The following H2BC1 variants were observed in gnomAD, a reference collection of about 807,000 sequenced individuals.
H2BC1 encodes H2B clustered histone 1, also known as histone H2B type 1-A.
A neutral mutation model predicts 5.4 loss-of-function variants in H2BC1; 5 were observed. That is an observed-to-expected ratio of 0.92 (90% CI 0.48 to 1.94). The LOEUF (loss-of-function observed/expected upper bound fraction) is 1.94, where lower values mean the gene tolerates loss of function less well. H2BC1 is among the 30% of genes most tolerant of loss of function. The pLI, the probability that H2BC1 is intolerant of heterozygous loss-of-function variation, is 0.01. For missense variants in H2BC1, 210 were observed against 159.1 expected, an observed-to-expected ratio of 1.32 and a Z score of -1.72; for synonymous variants, 131 against 58.2, an observed-to-expected ratio of 2.25 and a Z score of -5.69.
In H2BC1 at chr6:25,727,119, A is replaced by G. The variant is rs774096146; in HGVS notation, c.211A>G (p.Ile71Val). The G allele has an allele frequency of 6.2e-6, 10 of 1,614,216 alleles. No individual in the cohort carries two copies. Among genetic ancestry groups the G allele is most frequent in the East Asian group, 2.2e-5 (1 of 44,868 alleles). The change falls in exon 1 of 1, where the codon ATC (isoleucine) becomes GTC (valine). Residue 71 changes from isoleucine (I) to valine (V), a missense_variant. Physicochemically the swap from Ile to Val is conservative, Grantham distance 29. Coordinates refer to ENST00000274764, the MANE Select transcript of H2BC1 (RefSeq NM_170610.3). Reference sequence around the variant, plus strand: ...CATTATGAATTCCTTCGTCACTGATATCTTTGAGCGTATAGCGAGCGAGGC... The same window carrying G: ...CATTATGAATTCCTTCGTCACTGATGTCTTTGAGCGTATAGCGAGCGAGGC... ...MSIMNSFVTD[I>V]FERIASEASR...
At position 25,727,181 on chromosome 6, in the gene H2BC1, T is replaced by C. The variant is rs918860569; in HGVS notation, c.273T>C (p.Ile91=). ...CTCACTACAGCAAGCGCTCCACCAT[T>C]TCTTCCAGAGAGATTCAGACAGCAG... ...RLAHYSKRST[I]SSREIQTAVR... The change falls in exon 1 of 1, where the codon ATT becomes ATC. Residue 91 remains isoleucine, a synonymous_variant. Coordinates refer to ENST00000274764, the MANE Select transcript of H2BC1 (RefSeq NM_170610.3). The C allele has an allele frequency of 1.1e-5, 18 of 1,614,008 alleles. No homozygotes were observed. The highest frequency in any genetic ancestry group is 1.5e-5 in the Non-Finnish European group (18 of 1,180,022).
At position 25,727,314 on chromosome 6, in the gene H2BC1, T is replaced by A. The variant is rs1422626864; in HGVS notation, c.*22T>A. The A allele has an allele frequency of 6.4e-7, 1 of 1,558,512 alleles. No homozygotes were observed. The highest frequency in any genetic ancestry group is 8.7e-7 in the Non-Finnish European group (1 of 1,152,592). ...GTAAGCCTGCTAAGTAAACGTCATT[T>A]CTAACCCAAAGGCTCTTTTCAGAGC... is the stretch of plus-strand genomic sequence containing the variant. On this transcript the variant is annotated 3_prime_UTR_variant, in exon 1 of 1. Coordinates refer to ENST00000274764, the MANE Select transcript of H2BC1 (RefSeq NM_170610.3).
At position 25,727,298 on chromosome 6, in the gene H2BC1, C is replaced by A; in HGVS notation, c.*6C>A. 1 of 1,581,042 alleles carries A rather than the reference C, an allele frequency of 6.3e-7. No homozygotes were observed. The highest frequency in any genetic ancestry group is 8.6e-7 in the Non-Finnish European group (1 of 1,162,576). The stretch of plus-strand genomic sequence containing the variant: ...AGTACACCAGCTCCAAGTAAGCCTG[C>A]TAAGTAAACGTCATTTCTAACCCAA... On this transcript the variant is annotated 3_prime_UTR_variant, in exon 1 of 1. Transcript: ENST00000274764.
Position 25,726,783 on chromosome 6 carries a change from TTACTTGGCGA to T in H2BC1, c.-125_-116del. On this transcript the variant is annotated 5_prime_UTR_variant, in exon 1 of 1. Coordinates refer to ENST00000274764, the MANE Select transcript of H2BC1 (RefSeq NM_170610.3). Reference sequence around the variant, plus strand: ...TCTTTCATCCTCCAGTTCTGTTTGTTTACTTGGCGAGACTTGGAGCTGAGGTCATTTGGAG... The same window carrying T: ...TCTTTCATCCTCCAGTTCTGTTTGTTGACTTGGAGCTGAGGTCATTTGGAG... The T allele has an allele frequency of 1.6e-6, 2 of 1,269,902 alleles. No homozygotes were observed. The highest frequency in any genetic ancestry group is 3.0e-5 in the South Asian group (2 of 67,740). The allele number at this position is 1,269,902 out of a possible 1,614,324, so 78.7% of individuals were successfully genotyped here. A position where few individuals can be genotyped will look rare whatever the true frequency, so the allele number is the denominator to read the frequency against.
Position 25,726,943 on chromosome 6 carries a change from C to G in H2BC1, c.35C>G (p.Ser12Cys), listed in dbSNP as rs199628728. The change falls in exon 1 of 1, where the codon TCC becomes TGC. Residue 12 changes from serine (S) to cysteine (C), a missense_variant. Physicochemically the swap from Ser to Cys is moderately radical, Grantham distance 112. Coordinates refer to ENST00000274764, the MANE Select transcript of H2BC1 (RefSeq NM_170610.3). Reference protein sequence around the residue: ...PEVSSKGATISKKGFKKAVVK... With the variant: ...PEVSSKGATICKKGFKKAVVK... Reference sequence around the variant, plus strand: ...GTGTCATCTAAAGGTGCTACCATTTCCAAGAAGGGCTTTAAGAAAGCTGTC... The same window carrying G: ...GTGTCATCTAAAGGTGCTACCATTTGCAAGAAGGGCTTTAAGAAAGCTGTC... 6.2e-7 allele frequency: 1 copy of G among 1,613,806 alleles called. No homozygotes were observed. Among genetic ancestry groups the G allele is most frequent in the African/African-American group, 1.3e-5 (1 of 74,966 alleles).
Position 25,726,837 on chromosome 6 carries a change from C to T in H2BC1, c.-72C>T. 12 of 1,505,452 alleles carry T rather than the reference C, an allele frequency of 8.0e-6. No homozygotes were observed. Among genetic ancestry groups the T allele is most frequent in the South Asian group, 6.7e-5 (5 of 74,622 alleles). The allele number at this position is 1,505,452 out of a possible 1,614,324, so 93.3% of individuals were successfully genotyped here. A position where few individuals can be genotyped will look rare whatever the true frequency, so the allele number is the denominator to read the frequency against. On this transcript the variant is annotated 5_prime_UTR_variant, in exon 1 of 1. Coordinates refer to ENST00000274764, the MANE Select transcript of H2BC1 (RefSeq NM_170610.3). ...TTTGGAGCTGTTTAATACTGAAGAG[C>T]TGTTGAGCACTGGAAAGTGCTGTGT...
rs932843627 is a variant in H2BC1 at position 25,726,936 on chromosome 6, A to T, written c.28A>T (p.Thr10Ser). 1 of 1,613,814 alleles carries T rather than the reference A, an allele frequency of 6.2e-7. No homozygotes were observed. The highest frequency in any genetic ancestry group is 1.1e-5 in the South Asian group (1 of 90,984). MPEVSSKGATISKKGFKKAV... is the reference protein window; with the variant it reads MPEVSSKGASISKKGFKKAV... ...GCCGGAGGTGTCATCTAAAGGTGCTACCATTTCCAAGAAGGGCTTTAAGAA... is the reference window on the plus strand; with the variant it reads ...GCCGGAGGTGTCATCTAAAGGTGCTTCCATTTCCAAGAAGGGCTTTAAGAA... Residue 10 changes from threonine to serine, a missense_variant, in exon 1 of 1, where the codon ACC becomes TCC. Physicochemically the swap from Thr to Ser is moderately conservative, Grantham distance 58. Coordinates refer to ENST00000274764, the MANE Select transcript of H2BC1 (RefSeq NM_170610.3).
In H2BC1 at chr6:25,727,136, G is replaced by A. The variant is rs1330659433; in HGVS notation, c.228G>A (p.Ala76=). Residue 76 remains alanine, a synonymous_variant, in exon 1 of 1, where the codon GCG becomes GCA. Transcript: ENST00000274764. ...SFVTDIFERI[A]SEASRLAHYS... is the part of the protein sequence containing the mutation. ...TCACTGATATCTTTGAGCGTATAGC[G>A]AGCGAGGCATCACGTTTGGCTCACT... 2 of 1,614,142 alleles carry A rather than the reference G, an allele frequency of 1.2e-6. No individual in the cohort carries two copies. Among genetic ancestry groups the A allele is most frequent in the Non-Finnish European group, 1.7e-6 (2 of 1,180,018 alleles).
rs920572488 is a variant in H2BC1 at position 25,726,870 on chromosome 6, G to C, written c.-39G>C. The C allele has an allele frequency of 2.5e-6, 4 of 1,575,642 alleles. No homozygotes were observed. Among genetic ancestry groups the C allele is most frequent in the Non-Finnish European group, 2.6e-6 (3 of 1,163,440 alleles). ...CACTGGAAAGTGCTGTGTAACCCTG[G>C]AAAAGAACCGTGTAACGCTGCAGAA... On this transcript the variant is annotated 5_prime_UTR_variant, in exon 1 of 1. Transcript: ENST00000274764.
chr6:25,727,250 T>A lies in H2BC1; in HGVS notation c.342T>A (p.Ser114=). The stretch of plus-strand genomic sequence containing the variant: ...GAGAGCTGGCTAAACATGCTGTGTC[T>A]GAGGGCACCAAGGCTGTCACTAAGT... The part of the protein sequence containing the change: ...LPGELAKHAV[S]EGTKAVTKYT... The change falls in exon 1 of 1, where the codon TCT becomes TCA. Residue 114 remains serine (S), a synonymous_variant. Transcript: ENST00000274764. 3 of 1,612,410 alleles carry A rather than the reference T, an allele frequency of 1.9e-6. No homozygotes were observed. The highest frequency in any genetic ancestry group is 2.5e-6 in the Non-Finnish European group (3 of 1,178,782).
chr6:25,727,183 C>T lies in H2BC1; in HGVS notation c.275C>T (p.Ser92Phe), dbSNP rs763574279. ...CACTACAGCAAGCGCTCCACCATTT[C>T]TTCCAGAGAGATTCAGACAGCAGTG... is the stretch of plus-strand genomic sequence containing the variant. ...LAHYSKRSTI[S>F]SREIQTAVRL... is the part of the protein sequence containing the mutation. Residue 92 changes from serine to phenylalanine, a missense_variant, in exon 1 of 1, where the codon TCT (serine) becomes TTT (phenylalanine). Coordinates refer to ENST00000274764, the MANE Select transcript of H2BC1 (RefSeq NM_170610.3). 9 of 1,614,198 alleles carry T rather than the reference C, an allele frequency of 5.6e-6. No individual in the cohort carries two copies. Among genetic ancestry groups the T allele is most frequent in the Non-Finnish European group, 7.6e-6 (9 of 1,180,042 alleles).
chr6:25,726,962 A>G lies in H2BC1; in HGVS notation c.54A>G (p.Lys18=). The G allele has an allele frequency of 6.2e-7, 1 of 1,614,170 alleles. No individual in the cohort carries two copies. Among genetic ancestry groups the G allele is most frequent in the East Asian group, 2.2e-5 (1 of 44,882 alleles). ...GATISKKGFK[K]AVVKTQKKEG... ...CCATTTCCAAGAAGGGCTTTAAGAA[A>G]GCTGTCGTTAAGACCCAGAAAAAGG... Residue 18 remains lysine, a synonymous_variant, in exon 1 of 1, where the codon AAA becomes AAG. Transcript: ENST00000274764.
chr6:25,727,201 C>T lies in H2BC1; in HGVS notation c.293C>T (p.Thr98Ile). 3.1e-6 allele frequency: 5 copies of T among 1,614,178 alleles called. No homozygotes were observed. Among genetic ancestry groups the T allele is most frequent in the Non-Finnish European group, 4.2e-6 (5 of 1,180,028 alleles). The part of the protein sequence containing the change: ...RSTISSREIQ[T>I]AVRLLLPGEL... ...ACCATTTCTTCCAGAGAGATTCAGA[C>T]AGCAGTGCGCTTGCTACTGCCGGGA... is the stretch of plus-strand genomic sequence containing the variant. The change falls in exon 1 of 1, where the codon ACA (threonine) becomes ATA (isoleucine). Residue 98 changes from threonine to isoleucine, a missense_variant. Physicochemically the swap from Thr to Ile is moderately conservative, Grantham distance 89 (BLOSUM62 -1). Transcript: ENST00000274764.
rs781301296 is a variant in H2BC1, at chr6:25,726,859, G to C, written c.-50G>C. On this transcript the variant is annotated 5_prime_UTR_variant, in exon 1 of 1. Transcript: ENST00000274764. ...GAGCTGTTGAGCACTGGAAAGTGCTGTGTAACCCTGGAAAAGAACCGTGTA... is the reference window on the plus strand; with the variant it reads ...GAGCTGTTGAGCACTGGAAAGTGCTCTGTAACCCTGGAAAAGAACCGTGTA... 2 of 1,566,484 alleles carry C rather than the reference G, an allele frequency of 1.3e-6. No individual in the cohort carries two copies. The highest frequency in any genetic ancestry group is 1.4e-5 in the African/African-American group (1 of 73,710).
At position 25,726,871 on chromosome 6, in the gene H2BC1, A is replaced by G. The variant is rs564992826; in HGVS notation, c.-38A>G. 1.4e-5 allele frequency: 22 copies of G among 1,576,118 alleles called. 1 individual carries two copies. The highest frequency in any genetic ancestry group is 5.4e-5 in the African/African-American group (4 of 73,876). ...ACTGGAAAGTGCTGTGTAACCCTGG[A>G]AAAGAACCGTGTAACGCTGCAGAAG... is the stretch of plus-strand genomic sequence containing the variant. On this transcript the variant is annotated 5_prime_UTR_variant, in exon 1 of 1. Coordinates refer to ENST00000274764, the MANE Select transcript of H2BC1 (RefSeq NM_170610.3).
At position 25,727,314 on chromosome 6, in the gene H2BC1, TC is replaced by T; in HGVS notation, c.*23del. 6.4e-7 allele frequency: 1 copy of T among 1,558,610 alleles called. No homozygotes were observed. The highest frequency in any genetic ancestry group is 8.7e-7 in the Non-Finnish European group (1 of 1,152,584). ...GTAAGCCTGCTAAGTAAACGTCATTTCTAACCCAAAGGCTCTTTTCAGAGCC... is the reference window on the plus strand; with the variant it reads ...GTAAGCCTGCTAAGTAAACGTCATTTTAACCCAAAGGCTCTTTTCAGAGCC... On this transcript the variant is annotated 3_prime_UTR_variant, in exon 1 of 1. Coordinates refer to ENST00000274764, the MANE Select transcript of H2BC1 (RefSeq NM_170610.3).
Position 25,727,113 on chromosome 6 carries a change from A to T in H2BC1, c.205A>T (p.Thr69Ser). The T allele has an allele frequency of 6.2e-7, 1 of 1,614,224 alleles. No homozygotes were observed. Among genetic ancestry groups the T allele is most frequent in the South Asian group, 1.1e-5 (1 of 91,090 alleles). Residue 69 changes from threonine to serine, a missense_variant, in exon 1 of 1, where the codon ACT (threonine) becomes TCT (serine). Thr to Ser is a moderately conservative substitution (Grantham distance 58). Transcript: ENST00000274764. ...TATGAGCATTATGAATTCCTTCGTCACTGATATCTTTGAGCGTATAGCGAG... is the reference window on the plus strand; with the variant it reads ...TATGAGCATTATGAATTCCTTCGTCTCTGATATCTTTGAGCGTATAGCGAG... Reference protein sequence around the residue: ...KAMSIMNSFVTDIFERIASEA... With the variant: ...KAMSIMNSFVSDIFERIASEA...
chr6:25,727,157 T>C lies in H2BC1; in HGVS notation c.249T>C (p.Ala83=), dbSNP rs773069294. ...ERIASEASRL[A]HYSKRSTISS... ...TAGCGAGCGAGGCATCACGTTTGGC[T>C]CACTACAGCAAGCGCTCCACCATTT... The change falls in exon 1 of 1, where the codon GCT becomes GCC. Residue 83 remains alanine, a synonymous_variant. Transcript: ENST00000274764. The C allele has an allele frequency of 6.2e-7, 1 of 1,614,168 alleles. No individual in the cohort carries two copies.
At position 25,726,928 on chromosome 6, in the gene H2BC1, A is replaced by G; in HGVS notation, c.20A>G (p.Lys7Arg). 1 of 1,613,500 alleles carries G rather than the reference A, an allele frequency of 6.2e-7. No homozygotes were observed. The highest frequency in any genetic ancestry group is 8.5e-7 in the Non-Finnish European group (1 of 1,179,774). The change falls in exon 1 of 1, where the codon AAA becomes AGA. Residue 7 changes from lysine (K) to arginine (R), a missense_variant. Lys to Arg is a conservative substitution (Grantham distance 26, BLOSUM62 2). Coordinates refer to ENST00000274764, the MANE Select transcript of H2BC1 (RefSeq NM_170610.3). MPEVSSKGATISKKGFK... is the reference protein window; with the variant it reads MPEVSSRGATISKKGFK... ...GTAGCTATGCCGGAGGTGTCATCTA[A>G]AGGTGCTACCATTTCCAAGAAGGGC...
Sources: gnomAD v4.1 joint callset for allele counts on GRCh38, gnomAD v4.1.1 for gene constraint, MANE v1.5 for transcripts, NCBI Gene and HGNC (gene_info 2026-07-23, HGNC 2026-07-21) for gene names.